Variants in DAB1 observed in about 807,000 individuals in gnomAD.
DAB1 encodes DAB adaptor protein 1, also known as disabled homolog 1.
DAB1 carries 15 observed loss-of-function variants against 64.6 expected under a neutral mutation model. The ratio of observed to expected loss-of-function variants is 0.23; its 90% CI spans 0.16 to 0.36. The LOEUF (loss-of-function observed/expected upper bound fraction) is 0.36. Ranked by LOEUF, DAB1 falls within the 10% of genes least tolerant of loss-of-function variation. The probability of loss-of-function intolerance (pLI) is 1.00; values close to 1 mark genes in which losing one functional copy is unlikely to be tolerated. For missense variants in DAB1, 596 were observed against 706.7 expected, an observed-to-expected ratio of 0.84 and a Z score of 1.78; for synonymous variants, 235 against 251.9, an observed-to-expected ratio of 0.93 and a Z score of 0.64.
chr1:57,954,977 T>C (rs1369584340), intron 5 of DAB1, among the ~76,000 whole-genome samples: 1 of 152,214 alleles, frequency 6.6e-6, no homozygotes, highest in African/African-American at 2.4e-5. Context: ...AGCTTTGGTC[T>C]TAAACTTGGT....
chr1:57,714,765 GC>G (rs956159317), intron 6 of DAB1, among the ~76,000 whole-genome samples: 1 of 152,132 alleles, frequency 6.6e-6, no homozygotes, highest in African/African-American at 2.4e-5. Flanking sequence ...TTAAGGGAGG[GC>G]CCTTGTAGGG....
chr1:57,711,761 T>C (rs1297860624), intron 6 of DAB1, among the ~76,000 whole-genome samples: 3 of 152,200 alleles, frequency 2.0e-5, no homozygotes, highest in Non-Finnish European at 4.4e-5. Flanking sequence ...TATCAGGAGA[T>C]GGCACTGCAG....
At chr1:57,172,825 T>C (rs1243194266) in intron 2 of DAB1, among the ~76,000 whole-genome samples, 2 of 152,074 alleles carry the variant, frequency 1.3e-5, no homozygotes, top group Non-Finnish European at 2.9e-5. Flanking sequence ...CCTCCAACAC[T>C]GGGGATCAAC....
chr1:57,633,997 T>C (rs1306694740), intron 7 of DAB1, among the ~76,000 whole-genome samples: 1 of 152,248 alleles, frequency 6.6e-6, no homozygotes, highest in Non-Finnish European at 1.5e-5. Flanking sequence ...ATTGCAAATA[T>C]AAACTTACAG....
chr1:57,681,641 T>C (rs1187023635), intron 6 of DAB1, among the ~76,000 whole-genome samples: 1 of 152,034 alleles, frequency 6.6e-6, no homozygotes, highest in African/African-American at 2.4e-5. Flanking sequence ...AAAAAGAATA[T>C]AAACCCACAA....
chr1:58,302,582 C>G (rs752563374), intron 4 of DAB1, among the ~76,000 whole-genome samples: 6 of 151,716 alleles, frequency 4.0e-5, no homozygotes, highest in Non-Finnish European at 8.8e-5. Context: ...GGCTTCTAAG[C>G]CAGGCTTCCT....
chr1:57,635,470 C>T (rs1474333740), intron 7 of DAB1, among the ~76,000 whole-genome samples: 13 of 152,090 alleles, frequency 8.5e-5, no homozygotes, highest in Admixed American at 8.5e-4. Context: ...TGAACCCTCT[C>T]ATGGGAATGT....
At chr1:58,367,362 A>G (rs937870130) in intron 3 of DAB1, among the ~76,000 whole-genome samples, 1 of 152,214 alleles carries the variant, frequency 6.6e-6, no homozygotes. Flanking sequence ...CTTAGACAGA[A>G]CACTTCATCC....
chr1:58,486,655 G>A (rs1645580415), intron 3 of DAB1, among the ~76,000 whole-genome samples: 1 of 152,156 alleles, frequency 6.6e-6, no homozygotes, highest in Non-Finnish European at 1.5e-5. Flanking sequence ...GGTAATTTTA[G>A]TTAAGTACAT....
intron 7 of DAB1, among the ~76,000 whole-genome samples, chr1:57,444,190 C>G (rs1180444833): frequency 6.6e-6 from 1 of 152,120 alleles, no homozygotes; most frequent in Non-Finnish European, 1.5e-5. Flanking sequence ...CTTATAAACT[C>G]TTGATGTTCC....
intron 5 of DAB1, among the ~76,000 whole-genome samples, chr1:57,983,511 A>G (rs1484678973): frequency 6.6e-6 from 1 of 152,154 alleles, no homozygotes; most frequent in East Asian, 1.9e-4. Flanking sequence ...AAGGACCCAC[A>G]TGAATGCTAA....
chr1:57,053,383 G>T (rs1649384022), intron 9 of DAB1, among the ~76,000 whole-genome samples: 1 of 151,944 alleles, frequency 6.6e-6, no homozygotes. Flanking sequence ...GAGTAGCTAG[G>T]ACTACAGGCA....
intron 6 of DAB1, among the ~76,000 whole-genome samples, chr1:57,819,054 C>T (rs772813240): frequency 6.6e-6 from 1 of 152,026 alleles, no homozygotes; most frequent in African/African-American, 2.4e-5. Context: ...TTCTTCTATC[C>T]CCATGAGCCT....
At chr1:57,061,137 C>A (rs1650343136) in intron 9 of DAB1, among the ~76,000 whole-genome samples, 1 of 150,786 alleles carries the variant, frequency 6.6e-6, no homozygotes, top group African/African-American at 2.5e-5. Context: ...AGAATAGGGT[C>A]CCTAGACTTG....
chr1:57,342,363 C>T (rs1305095999), intron 1 of DAB1, among the ~76,000 whole-genome samples: 5 of 152,186 alleles, frequency 3.3e-5, no homozygotes, highest in Non-Finnish European at 7.3e-5. Context: ...TATGTGTCTG[C>T]CTCTGTGCTG....
At chr1:57,589,612 C>A (rs1325562021) in intron 7 of DAB1, among the ~76,000 whole-genome samples, 3 of 151,886 alleles carry the variant, frequency 2.0e-5, no homozygotes, top group African/African-American at 7.3e-5. Context: ...CAGAAATTAG[C>A]CAGGTGTGGT....
At chr1:58,423,901 C>T (rs1644796155) in intron 3 of DAB1, among the ~76,000 whole-genome samples, 1 of 152,204 alleles carries the variant, frequency 6.6e-6, no homozygotes, top group Admixed American at 6.5e-5. Context: ...TTTAGTTAAA[C>T]ACTATTTCCT....
intron 4 of DAB1, among the ~76,000 whole-genome samples, chr1:58,211,334 T>C (rs1658540811): frequency 6.6e-6 from 1 of 152,214 alleles, no homozygotes; most frequent in Non-Finnish European, 1.5e-5. Flanking sequence ...AGTATGGTGA[T>C]ATGTCAGTCT....
At chr1:57,673,712 TAATA>T (rs1646533591) in intron 6 of DAB1, among the ~76,000 whole-genome samples, 1 of 152,220 alleles carries the variant, frequency 6.6e-6, no homozygotes, top group South Asian at 2.1e-4. Context: ...TTGTATAATT[TAATA>T]GTTTCATTTA....
Sources: gnomAD v4.1 joint callset for allele counts (sites outside exome capture counted in the v4.1 genomes callset) on GRCh38, gnomAD v4.1.1 for gene constraint, MANE v1.5 for transcripts, NCBI Gene and HGNC (gene_info 2026-07-23, HGNC 2026-07-21) for gene names.